The following CACNA1D variants were observed in gnomAD, a reference collection of about 807,000 sequenced individuals.
CACNA1D encodes the protein calcium voltage-gated channel subunit alpha1 D.
A neutral mutation model predicts 257.1 loss-of-function variants in CACNA1D; 55 were observed. The observed-to-expected ratio is 0.21, with a 90% confidence interval of 0.17 to 0.27. The LOEUF (loss-of-function observed/expected upper bound fraction) is 0.27, where lower values mean the gene tolerates loss of function less well. CACNA1D is among the 10% of genes least tolerant of loss of function. The probability of loss-of-function intolerance (pLI) is 1.00; values close to 1 mark genes in which losing one functional copy is unlikely to be tolerated. For synonymous variants in CACNA1D, 980 were observed against 1,014.9 expected, an observed-to-expected ratio of 0.97 and a Z score of 0.65; for missense variants, 1,876 against 2,784.0, an observed-to-expected ratio of 0.67 and a Z score of 7.34.
At chr3:53,750,746 G>A (rs548955620) in intron 27 of CACNA1D, among the ~76,000 whole-genome samples, 1 of 152,324 alleles carries the variant, frequency 6.6e-6, no homozygotes, top group South Asian at 2.1e-4. Flanking sequence ...CCTGGAGTGA[G>A]CATGTGAGGT....
chr3:53,803,399 T>G (rs771407342), intron 43 of CACNA1D, 24 bp from the exon 44 acceptor site: 2 of 1,614,016 alleles, frequency 1.2e-6, no homozygotes, highest in Non-Finnish European at 1.7e-6. Context: ...GCCCAGGTTC[T>G]CAGATCCTCT....
chr3:53,575,434 G>A (rs1214461405), intron 3 of CACNA1D, among the ~76,000 whole-genome samples: 1 of 152,146 alleles, frequency 6.6e-6, no homozygotes, highest in Non-Finnish European at 1.5e-5. Flanking sequence ...GTCAGCAGTA[G>A]ATAGGAACTG....
At chr3:53,535,618 T>C (rs1350341677) in intron 3 of CACNA1D, among the ~76,000 whole-genome samples, 1 of 152,160 alleles carries the variant, frequency 6.6e-6, no homozygotes, top group Non-Finnish European at 1.5e-5. Flanking sequence ...TTGTTTCTTT[T>C]GAGGTTGCAA....
chr3:53,689,212 G>GA (rs1371398411), intron 8 of CACNA1D, among the ~76,000 whole-genome samples: 1 of 152,134 alleles, frequency 6.6e-6, no homozygotes, highest in African/African-American at 2.4e-5. Context: ...AAGTTGTCAG[G>GA]AGAGTGGGAC....
intron 7 of CACNA1D, among the ~76,000 whole-genome samples, chr3:53,670,661 A>G (rs1043901360): frequency 7.2e-5 from 11 of 152,166 alleles, no homozygotes; most frequent in Non-Finnish European, 1.5e-4. Context: ...AGCCTTCTAA[A>G]AGAAGGAAAA....
rs770793583 is a variant in CACNA1D, at chr3:53,813,607, C to T, written c.*2201C>T. ...CAGGACCCTAAGTGTCTGATAGAGGCGATGATCTTTTCCAAAGTCAGTACT... is the reference window on the plus strand; with the variant it reads ...CAGGACCCTAAGTGTCTGATAGAGGTGATGATCTTTTCCAAAGTCAGTACT... On this transcript the variant is annotated 3_prime_UTR_variant, in exon 48 of 48. Transcript: ENST00000350061. 1 of 152,196 alleles carries T rather than the reference C, an allele frequency of 6.6e-6. No homozygotes were observed. The highest frequency in any genetic ancestry group is 1.5e-5 in the Non-Finnish European group (1 of 68,044). 9.4% of individuals were successfully genotyped at this position (152,196 alleles called of 1,614,324 possible).
chr3:53,765,463 G>A (rs1208582995), intron 30 of CACNA1D: 2 of 152,566 alleles, frequency 1.3e-5, no homozygotes, highest in African/African-American at 2.4e-5. Context: ...AAATTGTAGC[G>A]GCAAGTATAT....
At chr3:53,788,170 T>C (rs2095465858) in intron 40 of CACNA1D, among the ~76,000 whole-genome samples, 1 of 152,120 alleles carries the variant, frequency 6.6e-6, no homozygotes, top group Admixed American at 6.5e-5. Flanking sequence ...ATGAGCTGTG[T>C]GTGTGTATCT....
chr3:53,675,747 G>A (rs952990422), intron 8 of CACNA1D, among the ~76,000 whole-genome samples: 1 of 152,154 alleles, frequency 6.6e-6, no homozygotes, highest in Admixed American at 6.5e-5. Flanking sequence ...ATTTTGGGGG[G>A]AAATAATTTT....
chr3:53,623,401 G>A (rs79529906), intron 3 of CACNA1D, among the ~76,000 whole-genome samples: 8,167 of 152,300 alleles, frequency 0.054, 722 homozygotes, highest in African/African-American at 0.18. Flanking sequence ...AAGATAGATT[G>A]ATGGATGGGT....
intron 3 of CACNA1D, among the ~76,000 whole-genome samples, chr3:53,600,546 A>G (rs1450312340): frequency 6.6e-6 from 1 of 152,264 alleles, no homozygotes; most frequent in African/African-American, 2.4e-5. Context: ...ACGTGCAGCT[A>G]GTAAATGGCA....
chr3:53,508,410 T>C (rs1361549095), intron 3 of CACNA1D, among the ~76,000 whole-genome samples: 6 of 152,284 alleles, frequency 3.9e-5, no homozygotes, highest in South Asian at 2.1e-4. Context: ...GTTGTACATA[T>C]TATTTCATCA....
At chr3:53,502,149 T>G (rs1170451855) in intron 3 of CACNA1D, among the ~76,000 whole-genome samples, 2 of 151,932 alleles carry the variant, frequency 1.3e-5, no homozygotes, top group African/African-American at 4.8e-5. Context: ...ACTTTGTACA[T>G]GAACTATTTT....
In CACNA1D at chr3:53,582,118, G is replaced by A. The variant is rs537887148; in HGVS notation, c.484-68661G>A. On this transcript the variant is annotated intron_variant, in intron 3 of 47. Transcript: ENST00000350061. ...GTTTTTGTTGGAATATACCAACCCT[G>A]TATTGCCCTGCCCTGCCTTTCGAGC... Among the ~76,000 whole-genome samples the A allele has an allele frequency of 2.0e-5, 3 of 151,986 alleles. No individual in the cohort carries two copies. The South Asian group carries it at 6.3e-4, about 32-fold the overall frequency.
intron 3 of CACNA1D, among the ~76,000 whole-genome samples, chr3:53,639,563 T>G (rs1249874592): frequency 6.6e-6 from 1 of 152,090 alleles, no homozygotes; most frequent in African/African-American, 2.4e-5. Flanking sequence ...ATTTTTTGTA[T>G]TTTTAGTAGA....
Position 53,730,437 on chromosome 3 carries a change from A to C in CACNA1D, c.2222-5A>C, listed in dbSNP as rs777895716. 6.2e-7 allele frequency: 1 copy of C among 1,600,952 alleles called. No individual in the cohort carries two copies. The highest frequency in any genetic ancestry group is 1.1e-5 in the South Asian group (1 of 90,860). On this transcript the variant is annotated splice_polypyrimidine_tract_variant and splice_region_variant and intron_variant, in intron 15 of 47. Coordinates refer to ENST00000350061, the MANE Select transcript of CACNA1D (RefSeq NM_001128840.3). ...TGTGTTGTGCCCTTAAAAAGTTGAAATTAGATATTCTACTGAATGTCTTCT... is the reference window on the plus strand; with the variant it reads ...TGTGTTGTGCCCTTAAAAAGTTGAACTTAGATATTCTACTGAATGTCTTCT...
chr3:53,699,785 G>A (rs1163135148), intron 8 of CACNA1D, among the ~76,000 whole-genome samples: 1 of 152,118 alleles, frequency 6.6e-6, no homozygotes, highest in Non-Finnish European at 1.5e-5. Flanking sequence ...TTGTGATAGT[G>A]ACCATCATTG....
chr3:53,682,490 G>A (rs1378296401), intron 8 of CACNA1D, among the ~76,000 whole-genome samples: 1 of 149,182 alleles, frequency 6.7e-6, no homozygotes, highest in African/African-American at 2.5e-5. Flanking sequence ...CTAGGAGTTT[G>A]AGGTTGCAGT....
chr3:53,508,098 C>T (rs1005451027), intron 3 of CACNA1D, among the ~76,000 whole-genome samples: 3 of 152,174 alleles, frequency 2.0e-5, no homozygotes, highest in Non-Finnish European at 4.4e-5. Context: ...ACATCTTCCT[C>T]AGCTCATTTT....
Sources: gnomAD v4.1 joint callset for allele counts (sites outside exome capture counted in the v4.1 genomes callset) on GRCh38, gnomAD v4.1.1 for gene constraint, MANE v1.5 for transcripts, NCBI Gene and HGNC (gene_info 2026-07-23, HGNC 2026-07-21) for gene names.